The following POLM variants were observed in gnomAD, a reference collection of about 807,000 sequenced individuals.
The protein encoded by POLM is DNA polymerase mu.
Under a neutral mutation model 56.7 loss-of-function variants are expected in POLM, and 52 were observed. The observed-to-expected ratio is 0.92, with a 90% confidence interval of 0.73 to 1.15. The LOEUF (loss-of-function observed/expected upper bound fraction) is 1.15. Ranked by LOEUF, POLM falls within the 50% of genes most tolerant of loss-of-function variation. The pLI is 0.00. For synonymous variants in POLM, 273 were observed against 274.3 expected (o/e 1.00, Z 0.05); for missense variants, 660 against 663.6 (o/e 0.99, Z 0.06).
chr7:44,078,502 T>C, intron 5 of POLM: 1 of 531,804 alleles, frequency 1.9e-6, no homozygotes, highest in Non-Finnish European at 3.4e-6. Flanking sequence ...AAAAGCCAGA[T>C]GGTGCTGAGT....
intron 5 of POLM, 118 bp downstream of exon 5, chr7:44,078,622 C>T (rs764518103): frequency 1.8e-5 from 16 of 870,734 alleles, no homozygotes; most frequent in South Asian, 1.4e-5. Context: ...GCAAGACCTT[C>T]TCTGACCCCT....
In POLM at chr7:44,079,677, A is replaced by G. The variant is rs771261178; in HGVS notation, c.536T>C (p.Phe179Ser). 3.7e-6 allele frequency: 6 copies of G among 1,613,498 alleles called. No homozygotes were observed. The highest frequency in any genetic ancestry group is 5.1e-6 in the Non-Finnish European group (6 of 1,179,784). Residue 179 changes from phenylalanine to serine, a missense_variant, in exon 4 of 11, where the codon TTC becomes TCC. By Grantham distance (155) the Phe-to-Ser change is radical (BLOSUM62 -2). Coordinates refer to ENST00000242248, the MANE Select transcript of POLM (RefSeq NM_013284.4). Reference protein sequence around the residue: ...FEGSEGRLLTFCRAASVLKAL... With the variant: ...FEGSEGRLLTSCRAASVLKAL... Reference sequence around the variant, plus strand: ...CTTGAGCACCGAGGCTGCTCTGCAGAAGGTGAGGAGGCGGCCCTCACTGCC... The same window carrying G: ...CTTGAGCACCGAGGCTGCTCTGCAGGAGGTGAGGAGGCGGCCCTCACTGCC...
Position 44,078,782 on chromosome 7 carries a change from C to T in POLM, c.672G>A (p.Glu224=). ...QELLEHGVCE[E]VERVRRSERY... The stretch of plus-strand genomic sequence containing the variant: ...TCTCTGAGCGCCGAACTCTCTCCAC[C>T]TCCTCACACACTCCATGCTCCAGCA... Residue 224 remains glutamate (E), a synonymous_variant, in exon 5 of 11, where the codon GAG becomes GAA. Transcript: ENST00000242248. 2.5e-6 allele frequency: 4 copies of T among 1,614,126 alleles called. No homozygotes were observed. The highest frequency in any genetic ancestry group is 2.2e-5 in the East Asian group (1 of 44,890).
Position 44,079,758 on chromosome 7 carries a change from TAGG to T in POLM, c.472-20_472-18del, listed in dbSNP as rs753262215. 58 of 1,609,672 alleles carry T rather than the reference TAGG, an allele frequency of 3.6e-5. No homozygotes were observed. The African/African-American group carries it at 5.9e-4, about 16-fold the overall frequency. On this transcript the variant is annotated intron_variant, in intron 3 of 10. Coordinates refer to ENST00000242248, the MANE Select transcript of POLM (RefSeq NM_013284.4). ...CAGAGCCTCCTGCAGGGAGGGGCCC[TAGG>T]TAAGGGGCAGGGTGGGCAGCTCCAA...
rs1295125426 is a variant in POLM at position 44,073,679 on chromosome 7, G to A, written c.1344C>T (p.Ser448=). The change falls in exon 10 of 11, where the codon AGC becomes AGT. Residue 448 remains serine, a synonymous_variant. Transcript: ENST00000242248. ...TCAGCCACAGGCCCTTCTCCTTCCG[G>A]CTGAAGCGGCGCAGCTCCCGCTGGA... ...KLFQRELRRF[S]RKEKGLWLNS... 1 of 1,614,196 alleles carries A rather than the reference G, an allele frequency of 6.2e-7. No individual in the cohort carries two copies. Among genetic ancestry groups the A allele is most frequent in the Admixed American group, 1.7e-5 (1 of 60,028 alleles).
In POLM at chr7:44,074,180, C is replaced by G. The variant is rs1252255120; in HGVS notation, c.1022G>C (p.Gly341Ala). The G allele has an allele frequency of 6.2e-7, 1 of 1,601,826 alleles. No homozygotes were observed. The highest frequency in any genetic ancestry group is 8.5e-7 in the Non-Finnish European group (1 of 1,174,828). Residue 341 changes from glycine (G) to alanine (A), a missense_variant, in exon 8 of 11, where the codon GGT becomes GCT. Gly to Ala is a moderately conservative substitution (Grantham distance 60). Transcript: ENST00000242248. ...VDFLITHPKE[G>A]QEAGLLPRVM... Reference sequence around the variant, plus strand: ...TCTAGGCAGCAGCCCCGCCTCCTGACCCTCCTTGGGGTGGGTGATGAGGAA... The same window carrying G: ...TCTAGGCAGCAGCCCCGCCTCCTGAGCCTCCTTGGGGTGGGTGATGAGGAA...
intron 2 of POLM, chr7:44,080,488 T>C: frequency 1.5e-6 from 1 of 682,198 alleles, no homozygotes; most frequent in Non-Finnish European, 2.7e-6. Context: ...AAGGTAAAAA[T>C]AAGCAGACCC....
intron 2 of POLM, 97 bp from the exon 3 acceptor site, chr7:44,080,056 G>C (rs1478179026): frequency 3.5e-5 from 30 of 853,414 alleles, no homozygotes; most frequent in Non-Finnish European, 5.6e-5. Flanking sequence ...TGTCCAACTC[G>C]GGCCCTCTGG....
At chr7:44,078,111 G>T (rs1051080261) in intron 5 of POLM, among the ~76,000 whole-genome samples, 1 of 152,232 alleles carries the variant, frequency 6.6e-6, no homozygotes, top group Non-Finnish European at 1.5e-5. Flanking sequence ...GGGTACATTT[G>T]GTTCACAGTG....
intron 4 of POLM, 43 bp downstream of exon 4, chr7:44,079,528 T>TGCCCCCCCCC: frequency 3.3e-6 from 5 of 1,506,342 alleles, no homozygotes; most frequent in African/African-American, 1.4e-5. Context: ...CCCCAAGGCC[T>TGCCCCCCCCC]CCCCACCCAC....
intron 2 of POLM, among the ~76,000 whole-genome samples, 194 bp from the exon 3 acceptor site, chr7:44,080,153 C>T (rs1354336072): frequency 6.6e-6 from 1 of 152,226 alleles, no homozygotes; most frequent in Non-Finnish European, 1.5e-5. Context: ...GTGCATGGGG[C>T]TCCTCATGCC....
Position 44,072,929 on chromosome 7 carries a change from G to A in POLM, c.*362C>T, listed in dbSNP as rs2096172253. On this transcript the variant is annotated 3_prime_UTR_variant, in exon 11 of 11. Transcript: ENST00000242248. ...CACAGTTAACTGCAGTGCAACTAATGAGACACTGCACATCAGGGACCACTT... is the reference window on the plus strand; with the variant it reads ...CACAGTTAACTGCAGTGCAACTAATAAGACACTGCACATCAGGGACCACTT... The A allele has an allele frequency of 1.9e-6, 1 of 539,080 alleles. No homozygotes were observed. Among genetic ancestry groups the A allele is most frequent in the Non-Finnish European group, 3.2e-6 (1 of 314,372 alleles). The allele number at this position is 539,080 out of a possible 1,614,324, so 33.4% of individuals were successfully genotyped here. A position where few individuals can be genotyped will look rare whatever the true frequency, so the allele number is the denominator to read the frequency against.
At chr7:44,080,633 G>C in intron 2 of POLM, 100 bp downstream of exon 2, 1 of 1,259,238 alleles carries the variant, frequency 7.9e-7, no homozygotes, top group Non-Finnish European at 1.1e-6. Flanking sequence ...TCCTCTGAAG[G>C]ACATTGAGGC....
chr7:44,081,368 C>A (rs867649984), intron 1 of POLM, among the ~76,000 whole-genome samples: 9 of 152,218 alleles, frequency 5.9e-5, no homozygotes, highest in African/African-American at 1.9e-4. Flanking sequence ...AACATATCCA[C>A]CCTGTGGGGT....
chr7:44,081,113 A>G (rs146787252), intron 1 of POLM, among the ~76,000 whole-genome samples, 197 bp from the exon 2 acceptor site: 2 of 152,178 alleles, frequency 1.3e-5, no homozygotes, highest in African/African-American at 4.8e-5. Context: ...TCAGAACCGT[A>G]GTTCTCTGCC....
At position 44,076,642 on chromosome 7, in the gene POLM, A is replaced by C. The variant is rs779387284; in HGVS notation, c.715-13T>G. 3.1e-6 allele frequency: 5 copies of C among 1,613,152 alleles called. No individual in the cohort carries two copies. In the South Asian group the frequency reaches 5.5e-5, roughly 18 times the overall value. On this transcript the variant is annotated splice_polypyrimidine_tract_variant and intron_variant, in intron 5 of 10. Transcript: ENST00000242248. ...TCTGGGTGAAGAGCTGTGGGGAAGGAGCGTAGCCCGGTTGGGCAGAGCTCT... is the reference window on the plus strand; with the variant it reads ...TCTGGGTGAAGAGCTGTGGGGAAGGCGCGTAGCCCGGTTGGGCAGAGCTCT...
In POLM at chr7:44,079,735, G is replaced by C; in HGVS notation, c.478C>G (p.Leu160Val). ...CCTGCTGCCTCGGCCAGTATCTCCA[G>C]AGCCTCCTGCAGGGAGGGGCCCTAG... ...THHNTGLSEA[L>V]EILAEAAGFE... is the part of the protein sequence containing the mutation. The change falls in exon 4 of 11, where the codon CTG becomes GTG. Residue 160 changes from leucine (L) to valine (V), a missense_variant. Leu to Val is a conservative substitution (Grantham distance 32). Transcript: ENST00000242248. The C allele has an allele frequency of 6.2e-7, 1 of 1,609,694 alleles. No individual in the cohort carries two copies. Among genetic ancestry groups the C allele is most frequent in the Non-Finnish European group, 8.5e-7 (1 of 1,177,440 alleles).
chr7:44,081,554 C>T (rs1203959289), intron 1 of POLM, among the ~76,000 whole-genome samples: 2 of 152,156 alleles, frequency 1.3e-5, no homozygotes, highest in African/African-American at 4.8e-5. Context: ...CCCCAGCTCC[C>T]TTACTCTGGG....
Position 44,078,744 on chromosome 7 carries a change from A to G in POLM, c.710T>C (p.Met237Thr), listed in dbSNP as rs146900309. The G allele has an allele frequency of 1.4e-5, 23 of 1,613,754 alleles. No individual in the cohort carries two copies. In the African/African-American group the frequency reaches 2.4e-4, roughly 17 times the overall value. Residue 237 changes from methionine to threonine, a missense_variant, in exon 5 of 11, where the codon ATG (methionine) becomes ACG (threonine). Transcript: ENST00000242248. The part of the protein sequence containing the change: ...RVRRSERYQT[M>T]KLFTQIFGVG... Reference sequence around the variant, plus strand: ...TCCGAGCCCTGCCCTGCGCACCTTCATGGTCTGGTACCTCTCTGAGCGCCG... The same window carrying G: ...TCCGAGCCCTGCCCTGCGCACCTTCGTGGTCTGGTACCTCTCTGAGCGCCG...
Sources: allele counts gnomAD v4.1 joint callset (sites outside exome capture counted in the v4.1 genomes callset), GRCh38; gene constraint gnomAD v4.1.1; transcripts MANE v1.5; gene names NCBI Gene and HGNC (gene_info 2026-07-23, HGNC 2026-07-21).